Variants in DCAF6 observed in about 807,000 individuals in gnomAD.
DCAF6 encodes the protein DDB1 and CUL4 associated factor 6, also known as DDB1- and CUL4-associated factor 6.
A neutral mutation model predicts 125.1 loss-of-function variants in DCAF6; 54 were observed. The ratio of observed to expected loss-of-function variants is 0.43; its 90% confidence interval spans 0.35 to 0.54. The LOEUF is 0.54. DCAF6 is among the 20% of genes least tolerant of loss of function. The pLI is 0.01. For synonymous variants in DCAF6, 371 were observed against 390.4 expected, an observed-to-expected ratio of 0.95 and a Z score of 0.58; for missense variants, 934 against 1,161.7, an observed-to-expected ratio of 0.80 and a Z score of 2.85.
At chr1:167,979,329 T>G (rs2102926586) in intron 4 of DCAF6, among the ~76,000 whole-genome samples, 1 of 151,642 alleles carries the variant, frequency 6.6e-6, no homozygotes, top group East Asian at 1.9e-4. Context: ...AGCATAGAAT[T>G]TTTTTTTTTC....
intron 17 of DCAF6, among the ~76,000 whole-genome samples, chr1:168,056,735 T>G (rs1213791622): frequency 2.0e-5 from 3 of 152,220 alleles, no homozygotes; most frequent in African/African-American, 7.2e-5. Flanking sequence ...CTTTGTTTGG[T>G]ATATCATTTT....
At chr1:168,049,592 C>G in intron 16 of DCAF6, among the ~76,000 whole-genome samples, 1 of 149,244 alleles carries the variant, frequency 6.7e-6, no homozygotes. Context: ...TAAATATATG[C>G]CCTTGGAATG....
chr1:167,957,772 T>C (rs1312421045), intron 2 of DCAF6, among the ~76,000 whole-genome samples: 1 of 152,146 alleles, frequency 6.6e-6, no homozygotes, highest in African/African-American at 2.4e-5. Context: ...TCCAGTTTCT[T>C]GACATCCTTG....
chr1:168,009,489 C>G (rs1398076745), intron 10 of DCAF6, among the ~76,000 whole-genome samples: 1 of 146,116 alleles, frequency 6.8e-6, no homozygotes, highest in Non-Finnish European at 1.5e-5. Context: ...TCCCTTCCTT[C>G]ACTTCTTCCC....
intron 16 of DCAF6, among the ~76,000 whole-genome samples, chr1:168,049,438 T>G (rs866714404): frequency 4.2e-4 from 61 of 146,336 alleles, no homozygotes; most frequent in African/African-American, 1.3e-3. Context: ...GTTGTTTTTT[T>G]TTTTTTTTTT....
At chr1:167,967,107 A>G (rs554065404) in intron 3 of DCAF6, among the ~76,000 whole-genome samples, 36 of 152,268 alleles carry the variant, frequency 2.4e-4, no homozygotes, top group Admixed American at 5.9e-4. Context: ...ACTTATTTTA[A>G]TGTTAAGAAT....
At chr1:167,981,295 G>T (rs1360347873) in intron 4 of DCAF6, among the ~76,000 whole-genome samples, 1 of 152,144 alleles carries the variant, frequency 6.6e-6, no homozygotes, top group Admixed American at 6.5e-5. Context: ...CATATGTAGG[G>T]TAAGGGTCTA....
intron 17 of DCAF6, among the ~76,000 whole-genome samples, chr1:168,055,081 A>G (rs950219848): frequency 2.0e-5 from 3 of 152,176 alleles, no homozygotes; most frequent in African/African-American, 7.2e-5. Flanking sequence ...AACCATAAAT[A>G]CATGGAATTT....
Position 167,991,230 on chromosome 1 carries a change from T to C in DCAF6, c.579T>C (p.Ala193=), listed in dbSNP as rs1012603324. The C allele has an allele frequency of 1.2e-6, 2 of 1,612,252 alleles. No individual in the cohort carries two copies. The highest frequency in any genetic ancestry group is 2.7e-5 in the African/African-American group (2 of 74,886). Residue 193 remains alanine (A), a synonymous_variant, in exon 6 of 22, where the codon GCT becomes GCC. Transcript: ENST00000367840. ...ATATTTTAATTAACTGTCGACGTGC[T>C]GCCACGTCTGTTGCTATTTGCCCAC... ...KDDILINCRR[A]ATSVAICPPI...
intron 7 of DCAF6, among the ~76,000 whole-genome samples, chr1:168,001,735 T>G (rs963464652): frequency 2.0e-5 from 3 of 151,902 alleles, no homozygotes; most frequent in African/African-American, 7.3e-5. Flanking sequence ...GAGAGAATAA[T>G]TGGTCAAGCA....
chr1:167,885,180 A>G, the DCAF6 span, among the ~76,000 whole-genome samples: 1 of 151,932 alleles, frequency 6.6e-6, no homozygotes, highest in African/African-American at 2.4e-5. Flanking sequence ...TTCTTTATCC[A>G]TTTCTCTGTT....
intron 7 of DCAF6, among the ~76,000 whole-genome samples, chr1:167,999,602 T>C (rs1467267022): frequency 6.6e-6 from 1 of 152,220 alleles, no homozygotes; most frequent in Non-Finnish European, 1.5e-5. Flanking sequence ...CAGGACTTGC[T>C]GCTTTACCTT....
At chr1:167,981,096 G>A (rs1286034138) in intron 4 of DCAF6, among the ~76,000 whole-genome samples, 1 of 151,658 alleles carries the variant, frequency 6.6e-6, no homozygotes, top group African/African-American at 2.4e-5. Flanking sequence ...TAGTAGAGAT[G>A]GGGTTTCACC....
At chr1:167,915,154 GATTTT>G in the DCAF6 span, among the ~76,000 whole-genome samples, 2 of 152,008 alleles carry the variant, frequency 1.3e-5, no homozygotes, top group Non-Finnish European at 2.9e-5. Flanking sequence ...CTTTCGCTAT[GATTTT>G]ATAAGTTAAA....
intron 21 of DCAF6, among the ~76,000 whole-genome samples, chr1:168,072,458 T>C (rs1391224623): frequency 1.3e-5 from 2 of 152,192 alleles, no homozygotes; most frequent in African/African-American, 2.4e-5. Context: ...AGCTTTAATT[T>C]CTTTATTTAT....
chr1:167,866,431 C>T, the DCAF6 span, among the ~76,000 whole-genome samples: 3 of 146,918 alleles, frequency 2.0e-5, no homozygotes, highest in Non-Finnish European at 3.0e-5. Flanking sequence ...ATATCTATTA[C>T]AAACAACAGC....
At position 168,032,565 on chromosome 1, in the gene DCAF6, A is replaced by G. The variant is rs559093364; in HGVS notation, c.1610-5806A>G. Among the ~76,000 whole-genome samples the G allele has an allele frequency of 2.7e-4, 41 of 152,166 alleles. No individual in the cohort carries two copies. The Middle Eastern group carries it at 0.01, about 38-fold the overall frequency. On this transcript the variant is annotated intron_variant, in intron 12 of 21. Coordinates refer to ENST00000367840, the MANE Select transcript of DCAF6 (RefSeq NM_001198956.2). The stretch of plus-strand genomic sequence containing the variant: ...TGTGGGGAGATAGTTAAACTTTATT[A>G]TTTTTTCAGAATATTTCACCATATG...
intron 10 of DCAF6, among the ~76,000 whole-genome samples, chr1:168,008,928 T>C: frequency 7.3e-6 from 1 of 136,676 alleles, no homozygotes; most frequent in African/African-American, 2.7e-5. Context: ...ACTTGCTTGC[T>C]TTCTCTCTCT....
At chr1:167,922,833 G>T in the DCAF6 span, among the ~76,000 whole-genome samples, 533 of 152,096 alleles carry the variant, frequency 3.5e-3, 5 homozygotes, top group Middle Eastern at 0.014. Context: ...AATTACAACA[G>T]CCCATCACTC....
Sources: allele counts gnomAD v4.1 joint callset (sites outside exome capture counted in the v4.1 genomes callset), GRCh38; gene constraint gnomAD v4.1.1; transcripts MANE v1.5; gene names NCBI Gene and HGNC (gene_info 2026-07-23, HGNC 2026-07-21).